The following UIMC1 variants were observed in gnomAD, a reference collection of about 807,000 sequenced individuals.
The protein encoded by UIMC1 is BRCA1-A complex subunit RAP80.
Under a neutral mutation model 84.9 loss-of-function variants are expected in UIMC1, and 42 were observed. That is an observed-to-expected ratio of 0.49 (90% CI 0.39 to 0.64). The LOEUF (loss-of-function observed/expected upper bound fraction) is 0.64, where lower values mean the gene tolerates loss of function less well. Among genes scored for constraint, UIMC1 ranks in the 30% least tolerant of loss-of-function variants. UIMC1 has a pLI of 0.00. For missense variants in UIMC1, 825 were observed against 847.6 expected, an observed-to-expected ratio of 0.97 and a Z score of 0.33; for synonymous variants, 281 against 293.0, an observed-to-expected ratio of 0.96 and a Z score of 0.42.
intron 1 of UIMC1, among the ~76,000 whole-genome samples, chr5:176,997,545 C>T (rs1189949371): frequency 4.0e-5 from 6 of 151,856 alleles, no homozygotes; most frequent in Admixed American, 2.6e-4. Flanking sequence ...ATTAGCCGGG[C>T]GTGGTGGCGG....
At chr5:176,955,395 G>A (rs994764868) in intron 8 of UIMC1, among the ~76,000 whole-genome samples, 28 of 152,196 alleles carry the variant, frequency 1.8e-4, no homozygotes, top group Admixed American at 6.5e-4. Context: ...AACCTCCTAT[G>A]CAGTAAGACC....
At chr5:176,958,613 T>C (rs973091552) in intron 6 of UIMC1, among the ~76,000 whole-genome samples, 2 of 152,178 alleles carry the variant, frequency 1.3e-5, no homozygotes, top group Non-Finnish European at 2.9e-5. Flanking sequence ...AAATACTGAG[T>C]TGAGATAAAC....
intron 10 of UIMC1, among the ~76,000 whole-genome samples, chr5:176,913,336 T>C (rs576311675): frequency 6.6e-6 from 1 of 152,204 alleles, no homozygotes; most frequent in East Asian, 1.9e-4. Flanking sequence ...CTAAGAGGAA[T>C]TGACTTCACC....
At chr5:176,951,406 G>C in intron 9 of UIMC1, 68 bp downstream of exon 9, 1 of 1,209,656 alleles carries the variant, frequency 8.3e-7, no homozygotes, top group Non-Finnish European at 1.1e-6. Context: ...CAATGTCAAC[G>C]TTGCATCAGA....
intron 1 of UIMC1, among the ~76,000 whole-genome samples, chr5:176,997,780 C>T (rs965343446): frequency 6.7e-6 from 1 of 149,138 alleles, no homozygotes; most frequent in Non-Finnish European, 1.5e-5. Flanking sequence ...AAGTATGTCC[C>T]GTATTATCTG....
At chr5:176,980,656 CAT>C (rs1295127842) in intron 2 of UIMC1, among the ~76,000 whole-genome samples, 3 of 151,714 alleles carry the variant, frequency 2.0e-5, no homozygotes, top group Non-Finnish European at 4.4e-5. Flanking sequence ...TTTTTTTAAA[CAT>C]ATATGTATAC....
rs767081812 is a variant in UIMC1, at chr5:176,958,082, T to TA, written c.1262+10dup. 6.2e-7 allele frequency: 1 copy of TA among 1,613,154 alleles called. No homozygotes were observed. On this transcript the variant is annotated intron_variant, in intron 7 of 14. Coordinates refer to ENST00000511320, the MANE Select transcript of UIMC1 (RefSeq NM_001199298.2). ...TCAGAGGAGAATGCATAGCAACATA[T>TA]AATCTCTCACCTTTGTGAAGCAGGT...
chr5:176,927,220 A>C lies in UIMC1; in HGVS notation c.1598-15831T>G, dbSNP rs867404698. ...TCTTTAAAAAAGAAAAAAAAAAAAA[A>C]AAAAAGCACCAGTAGTGTGTCACAG... On this transcript the variant is annotated intron_variant, in intron 10 of 14. Transcript: ENST00000511320. 2.7e-3 allele frequency among the ~76,000 whole-genome samples: 374 copies of C among 140,172 alleles called. 2 individuals carry two copies. Among genetic ancestry groups the C allele is most frequent in the African/African-American group, 9.4e-3 (349 of 37,018 alleles). The allele number at this position is 140,172 out of a possible 152,430, so 92.0% of individuals were successfully genotyped here.
intron 5 of UIMC1, 77 bp downstream of exon 5, chr5:176,969,524 G>T: frequency 6.9e-7 from 1 of 1,456,322 alleles, no homozygotes; most frequent in East Asian, 2.3e-5. Flanking sequence ...GTATTTCCGT[G>T]TATCTACTCT....
At chr5:177,013,577 T>C (rs1775606359) in intron 1 of UIMC1, among the ~76,000 whole-genome samples, 2 of 152,180 alleles carry the variant, frequency 1.3e-5, no homozygotes, top group African/African-American at 4.8e-5. Context: ...CAAAGACGTA[T>C]TCTAGCCAAA....
At chr5:176,986,443 AG>A (rs1439722694) in intron 1 of UIMC1, among the ~76,000 whole-genome samples, 5 of 140,812 alleles carry the variant, frequency 3.6e-5, no homozygotes, top group African/African-American at 1.3e-4. Flanking sequence ...CTGAGGCAGG[AG>A]GATAGCTTGA....
intron 1 of UIMC1, among the ~76,000 whole-genome samples, chr5:176,988,805 T>G (rs1288211177): frequency 6.6e-6 from 1 of 150,482 alleles, no homozygotes; most frequent in East Asian, 2.0e-4. Context: ...TGCCTCAGCC[T>G]CCCAAGCAGC....
Position 176,905,435 on chromosome 5 carries a change from G to C in UIMC1, c.2007C>G (p.Phe669Leu). 6.2e-7 allele frequency: 1 copy of C among 1,614,136 alleles called. No individual in the cohort carries two copies. The highest frequency in any genetic ancestry group is 8.5e-7 in the Non-Finnish European group (1 of 1,180,004). The change falls in exon 15 of 15, where the codon TTC becomes TTG. Residue 669 changes from phenylalanine to leucine, a missense_variant. By Grantham distance (22) the Phe-to-Leu change is conservative. Coordinates refer to ENST00000511320, the MANE Select transcript of UIMC1 (RefSeq NM_001199298.2). ...GAGATTCATTTAAGTCACGACGTGT[G>C]AAAGAACTCTGCATCTCTCTGCTGC... Reference protein sequence around the residue: ...AGCSREMQSSFTRRDLNESPV... With the variant: ...AGCSREMQSSLTRRDLNESPV...
At chr5:176,908,077 AACT>A (rs1759630767) in intron 12 of UIMC1, among the ~76,000 whole-genome samples, 2 of 152,196 alleles carry the variant, frequency 1.3e-5, no homozygotes. Flanking sequence ...CAAGTGAGAA[AACT>A]ACATATCGAG....
intron 2 of UIMC1, among the ~76,000 whole-genome samples, chr5:176,982,213 CAA>C (rs904116593): frequency 7.9e-5 from 12 of 152,276 alleles, no homozygotes; most frequent in Admixed American, 3.3e-4. Flanking sequence ...TTAGATGATT[CAA>C]ATAGTTCCAA....
At chr5:176,929,250 A>C (rs1318627953) in intron 10 of UIMC1, among the ~76,000 whole-genome samples, 1 of 146,484 alleles carries the variant, frequency 6.8e-6, no homozygotes, top group Non-Finnish European at 1.5e-5. Context: ...GCAAGACTCC[A>C]TCTCAGAAAG....
At chr5:176,933,556 G>A (rs963488017) in intron 10 of UIMC1, among the ~76,000 whole-genome samples, 1 of 151,108 alleles carries the variant, frequency 6.6e-6, no homozygotes, top group East Asian at 1.9e-4. Context: ...TTTGAGACAG[G>A]GTCTTGCTCA....
chr5:176,960,266 T>C (rs1020245466), intron 6 of UIMC1, among the ~76,000 whole-genome samples: 9 of 152,226 alleles, frequency 5.9e-5, no homozygotes, highest in African/African-American at 2.2e-4. Context: ...AACTATTATA[T>C]TGCTTACTCA....
intron 10 of UIMC1, among the ~76,000 whole-genome samples, chr5:176,942,729 G>C (rs183009422): frequency 3.0e-4 from 41 of 137,644 alleles, no homozygotes; most frequent in African/African-American, 1.1e-3. Context: ...CTGGGCGACA[G>C]AGCGAGACTC....
Sources: allele counts gnomAD v4.1 joint callset (sites outside exome capture counted in the v4.1 genomes callset), GRCh38; gene constraint gnomAD v4.1.1; transcripts MANE v1.5; gene names NCBI Gene and HGNC (gene_info 2026-07-23, HGNC 2026-07-21).